Variants in CA10 observed in about 807,000 individuals in gnomAD.
The protein encoded by CA10 is carbonic anhydrase 10 (inactive).
CA10 carries 14 observed loss-of-function variants against 44.2 expected under a neutral mutation model. The observed-to-expected ratio is 0.32, with a 90% CI of 0.21 to 0.50. The LOEUF (loss-of-function observed/expected upper bound fraction) is 0.50. Ranked by LOEUF, CA10 falls within the 20% of genes least tolerant of loss-of-function variation. The probability of loss-of-function intolerance (pLI) is 0.99; values close to 1 mark genes in which losing one functional copy is unlikely to be tolerated. For missense variants in CA10, 350 were observed against 409.7 expected (o/e 0.85, Z 1.26); for synonymous variants, 159 against 141.6 (o/e 1.12, Z -0.87).
chr17:52,129,231 A>G (rs1022854755), intron 1 of CA10, among the ~76,000 whole-genome samples: 5 of 152,156 alleles, frequency 3.3e-5, no homozygotes, highest in Admixed American at 6.5e-5. Flanking sequence ...ATTTAATTAT[A>G]TATGGTCTTA....
At chr17:52,024,010 T>C (rs944071973) in intron 2 of CA10, among the ~76,000 whole-genome samples, 1 of 152,136 alleles carries the variant, frequency 6.6e-6, no homozygotes, top group Non-Finnish European at 1.5e-5. Flanking sequence ...GGTTAGTGTT[T>C]ATCAGTTTTA....
chr17:51,709,245 T>C (rs1371181902), intron 4 of CA10, among the ~76,000 whole-genome samples: 5 of 152,172 alleles, frequency 3.3e-5, no homozygotes, highest in Admixed American at 1.3e-4. Context: ...AACAAATCCC[T>C]CTCTTGAAGC....
chr17:51,936,477 T>C (rs971400307), intron 2 of CA10, among the ~76,000 whole-genome samples: 5 of 127,606 alleles, frequency 3.9e-5, no homozygotes, highest in African/African-American at 1.3e-4. Context: ...TTCTAAACAG[T>C]GGCAGGAGAA....
At chr17:51,813,957 G>A (rs776855319) in intron 3 of CA10, among the ~76,000 whole-genome samples, 53 of 152,120 alleles carry the variant, frequency 3.5e-4, no homozygotes, top group Non-Finnish European at 6.8e-4. Context: ...ATTTTCTACT[G>A]CCTTGTTTCC....
At chr17:51,798,748 G>C (rs1022768018) in intron 3 of CA10, among the ~76,000 whole-genome samples, 6 of 152,246 alleles carry the variant, frequency 3.9e-5, no homozygotes, top group Non-Finnish European at 8.8e-5. Flanking sequence ...GAAGGCTGAA[G>C]ACGCAGACTT....
chr17:51,917,620 C>G (rs903400386), intron 3 of CA10, among the ~76,000 whole-genome samples: 9 of 152,174 alleles, frequency 5.9e-5, no homozygotes, highest in Admixed American at 2.6e-4. Context: ...GCAGACAAGT[C>G]ACATGGCAAA....
intron 3 of CA10, chr17:51,748,443 C>T: frequency 1.0e-6 from 1 of 981,722 alleles, no homozygotes; most frequent in Non-Finnish European, 1.2e-6. Flanking sequence ...TTCCTGATTC[C>T]ATCTTGCTCC....
chr17:51,711,948 G>A (rs923435115), intron 4 of CA10, among the ~76,000 whole-genome samples: 1 of 152,194 alleles, frequency 6.6e-6, no homozygotes, highest in Non-Finnish European at 1.5e-5. Context: ...CTGGGGGAGA[G>A]GGGCAGCGGC....
chr17:51,884,369 T>A (rs1350529738), intron 3 of CA10, among the ~76,000 whole-genome samples: 1 of 152,174 alleles, frequency 6.6e-6, no homozygotes, highest in Non-Finnish European at 1.5e-5. Context: ...CTCATTGCCC[T>A]CTACTCCTCC....
At chr17:52,026,776 C>T (rs577531646) in intron 2 of CA10, among the ~76,000 whole-genome samples, 2 of 152,186 alleles carry the variant, frequency 1.3e-5, no homozygotes, top group Admixed American at 6.5e-5. Flanking sequence ...ATTCAATTAC[C>T]TCTCATGGGC....
chr17:51,797,020 C>G (rs1033736777), intron 3 of CA10, among the ~76,000 whole-genome samples: 1 of 152,136 alleles, frequency 6.6e-6, no homozygotes, highest in Non-Finnish European at 1.5e-5. Context: ...CTCATACACA[C>G]TTAGATTTCT....
chr17:51,834,030 T>C lies in CA10; in HGVS notation c.280-86212A>G, dbSNP rs557505601. 7.2e-5 allele frequency among the ~76,000 whole-genome samples: 11 copies of C among 152,330 alleles called. No homozygotes were observed. The South Asian group carries it at 1.7e-3, about 23-fold the overall frequency. On this transcript the variant is annotated intron_variant, in intron 3 of 8. Transcript: ENST00000451037. ...TGATTTATGTAACTTTCTTTTCCTA[T>C]TTACAGTTTATTAAGTCACTGTCTT...
intron 1 of CA10, among the ~76,000 whole-genome samples, chr17:52,129,741 A>G (rs1021305837): frequency 3.9e-5 from 6 of 152,204 alleles, no homozygotes; most frequent in Non-Finnish European, 7.3e-5. Flanking sequence ...CCTCTCTATC[A>G]TCATCTCAAG....
chr17:51,899,839 A>G (rs896870476), intron 3 of CA10, among the ~76,000 whole-genome samples: 3 of 151,090 alleles, frequency 2.0e-5, no homozygotes, highest in Admixed American at 6.6e-5. Context: ...TTTAAAGTCT[A>G]CTTTGTCTGA....
At chr17:52,143,658 A>G (rs1358132159) in intron 1 of CA10, among the ~76,000 whole-genome samples, 1 of 152,172 alleles carries the variant, frequency 6.6e-6, no homozygotes, top group Non-Finnish European at 1.5e-5. Context: ...GGGACCTAAA[A>G]TCAGGCTGGC....
At chr17:51,700,015 G>A (rs1367915105) in intron 4 of CA10, among the ~76,000 whole-genome samples, 1 of 151,978 alleles carries the variant, frequency 6.6e-6, no homozygotes. Context: ...GAGAAGGCAT[G>A]CAAAGTACTT....
At chr17:51,868,885 TTTTTTG>T (rs942141731) in intron 3 of CA10, among the ~76,000 whole-genome samples, 12 of 132,304 alleles carry the variant, frequency 9.1e-5, no homozygotes, top group African/African-American at 4.0e-4. Flanking sequence ...AGCCAAAAGT[TTTTTTG>T]TTTTTTTTTT....
chr17:51,651,399 T>C (rs750224306), intron 5 of CA10, among the ~76,000 whole-genome samples: 1 of 152,186 alleles, frequency 6.6e-6, no homozygotes, highest in Non-Finnish European at 1.5e-5. Flanking sequence ...GTTGATTATA[T>C]GGAGGGAAGA....
chr17:51,964,961 G>T (rs1487306477), intron 2 of CA10, among the ~76,000 whole-genome samples: 2 of 151,714 alleles, frequency 1.3e-5, no homozygotes, highest in Non-Finnish European at 3.0e-5. Flanking sequence ...GTCAACAAAA[G>T]GTTCATTGTT....
Sources: allele counts gnomAD v4.1 joint callset (sites outside exome capture counted in the v4.1 genomes callset), GRCh38; gene constraint gnomAD v4.1.1; transcripts MANE v1.5; gene names NCBI Gene and HGNC (gene_info 2026-07-23, HGNC 2026-07-21).